Variants in SUCLG2 observed in about 807,000 individuals in gnomAD.
SUCLG2 encodes the protein succinate-CoA ligase GDP-forming subunit beta.
In SUCLG2, 42 loss-of-function variants were observed where a neutral mutation model predicts 47.9. The ratio of observed to expected loss-of-function variants is 0.88; its 90% CI spans 0.69 to 1.14. The LOEUF is 1.14. Ranked by LOEUF, SUCLG2 falls within the 50% of genes most tolerant of loss-of-function variation. The pLI is 0.00. For synonymous variants in SUCLG2, 195 were observed against 197.3 expected (o/e 0.99, Z 0.10); for missense variants, 571 against 525.9 (o/e 1.09, Z -0.84).
intron 2 of SUCLG2, among the ~76,000 whole-genome samples, chr3:67,578,954 A>G (rs1311528422): frequency 2.0e-5 from 3 of 152,174 alleles, no homozygotes; most frequent in Non-Finnish European, 4.4e-5. Context: ...GCTCTCTAAG[A>G]AGATCCAGGA....
intron 1 of SUCLG2, among the ~76,000 whole-genome samples, chr3:67,638,620 C>CCAGAAA (rs1701047371): frequency 1.3e-5 from 2 of 152,166 alleles, no homozygotes; most frequent in African/African-American, 4.8e-5. Flanking sequence ...TCATCAAAGT[C>CCAGAAA]TAATTCCAGA....
rs9867383 is a variant in SUCLG2 at position 67,436,503 on chromosome 3, A to T, written c.1063-35652T>A. 8.2e-3 allele frequency among the ~76,000 whole-genome samples: 1,254 copies of T among 152,300 alleles called. 24 individuals carry two copies. The highest frequency in any genetic ancestry group is 0.029 in the African/African-American group (1,198 of 41,542). On this transcript the variant is annotated intron_variant, in intron 9 of 10. Transcript: ENST00000307227. ...TATAAAAATCCTGTAGCCAAACAAG[A>T]CCAACGATTCAAAAATCTTCACTGG...
At chr3:67,518,510 G>A (rs577479281) in intron 5 of SUCLG2, among the ~76,000 whole-genome samples, 174 bp from the exon 6 acceptor site, 1 of 152,298 alleles carries the variant, frequency 6.6e-6, no homozygotes, top group South Asian at 2.1e-4. Flanking sequence ...TTAATTAGCA[G>A]ACCATCTATA....
At chr3:67,398,186 A>C (rs1467838864) in intron 10 of SUCLG2, among the ~76,000 whole-genome samples, 1 of 150,360 alleles carries the variant, frequency 6.7e-6, no homozygotes, top group African/African-American at 2.4e-5. Flanking sequence ...TAATTAAACT[A>C]AAGAGCTTCT....
chr3:67,466,026 C>A (rs1468840332), intron 9 of SUCLG2, among the ~76,000 whole-genome samples: 1 of 152,184 alleles, frequency 6.6e-6, no homozygotes, highest in East Asian at 1.9e-4. Flanking sequence ...ATGACACACA[C>A]AGCCCTTACG....
At chr3:67,488,897 T>G (rs1322016254) in intron 9 of SUCLG2, among the ~76,000 whole-genome samples, 2 of 152,324 alleles carry the variant, frequency 1.3e-5, no homozygotes, top group East Asian at 3.9e-4. Context: ...TTGCTGGGAC[T>G]AACGACAAAA....
chr3:67,567,857 T>G (rs1225439597), intron 2 of SUCLG2, among the ~76,000 whole-genome samples: 1 of 152,230 alleles, frequency 6.6e-6, no homozygotes, highest in Non-Finnish European at 1.5e-5. Flanking sequence ...GAAAATGTTT[T>G]CTGAAGCTAT....
intron 2 of SUCLG2, among the ~76,000 whole-genome samples, chr3:67,533,978 TC>T (rs1355851211): frequency 3.9e-5 from 6 of 152,150 alleles, no homozygotes; most frequent in African/African-American, 1.4e-4. Flanking sequence ...ATTGGTCACA[TC>T]ATTTGACTGA....
chr3:67,496,935 C>G (rs1385960693), intron 8 of SUCLG2, among the ~76,000 whole-genome samples: 2 of 152,096 alleles, frequency 1.3e-5, no homozygotes, highest in Non-Finnish European at 2.9e-5. Flanking sequence ...ATGGTTTACA[C>G]AGAATCTTAA....
intron 2 of SUCLG2, among the ~76,000 whole-genome samples, chr3:67,531,877 TTCAG>T (rs1219925410): frequency 3.3e-5 from 5 of 152,212 alleles, no homozygotes; most frequent in South Asian, 4.1e-4. Context: ...CGTCTCTTCA[TTCAG>T]TATTTACCAA....
At chr3:67,558,722 T>C (rs1559571526) in intron 2 of SUCLG2, among the ~76,000 whole-genome samples, 1 of 152,210 alleles carries the variant, frequency 6.6e-6, no homozygotes, top group Non-Finnish European at 1.5e-5. Context: ...AAATAAGCAG[T>C]TCCACTAAAA....
At chr3:67,612,470 G>A (rs1033650732) in intron 1 of SUCLG2, among the ~76,000 whole-genome samples, 6 of 152,092 alleles carry the variant, frequency 3.9e-5, no homozygotes, top group Non-Finnish European at 8.8e-5. Flanking sequence ...ATGGATGGTA[G>A]AAAGTACGCT....
chr3:67,567,181 T>C (rs1225576654), intron 2 of SUCLG2, among the ~76,000 whole-genome samples: 3 of 149,952 alleles, frequency 2.0e-5, no homozygotes, highest in African/African-American at 7.4e-5. Flanking sequence ...AGAGCCTGTC[T>C]CAAAAGAAAA....
chr3:67,390,183 C>T (rs752651152), intron 10 of SUCLG2, among the ~76,000 whole-genome samples: 14 of 152,206 alleles, frequency 9.2e-5, no homozygotes, highest in Admixed American at 2.6e-4. Flanking sequence ...TTTGTAACTA[C>T]TACCTATTTC....
At chr3:67,579,231 T>C (rs921041107) in intron 2 of SUCLG2, among the ~76,000 whole-genome samples, 3 of 152,170 alleles carry the variant, frequency 2.0e-5, no homozygotes, top group Admixed American at 1.3e-4. Flanking sequence ...AGGGCTCATA[T>C]TCACAATTTA....
At chr3:67,544,491 C>T (rs1706810538) in intron 2 of SUCLG2, among the ~76,000 whole-genome samples, 1 of 152,152 alleles carries the variant, frequency 6.6e-6, no homozygotes, top group African/African-American at 2.4e-5. Context: ...TTCCCCTTCG[C>T]CTTCCACCAT....
intron 9 of SUCLG2, among the ~76,000 whole-genome samples, chr3:67,433,494 T>C (rs1187484953): frequency 6.6e-6 from 1 of 152,112 alleles, no homozygotes; most frequent in Non-Finnish European, 1.5e-5. Context: ...GGGAGAATCC[T>C]TTCTAGAAGA....
intron 9 of SUCLG2, among the ~76,000 whole-genome samples, chr3:67,416,942 T>C (rs1444333862): frequency 1.3e-5 from 2 of 152,136 alleles, no homozygotes; most frequent in African/African-American, 4.8e-5. Flanking sequence ...GAGAAGGAAT[T>C]TATAACCAAT....
intron 1 of SUCLG2, among the ~76,000 whole-genome samples, chr3:67,646,135 G>A (rs936476697): frequency 4.0e-5 from 6 of 150,650 alleles, no homozygotes; most frequent in Non-Finnish European, 8.9e-5. Context: ...GGAGAATATG[G>A]TGCCCTAAAT....
Sources: gnomAD v4.1 joint callset for allele counts (sites outside exome capture counted in the v4.1 genomes callset) on GRCh38, gnomAD v4.1.1 for gene constraint, MANE v1.5 for transcripts, NCBI Gene and HGNC (gene_info 2026-07-23, HGNC 2026-07-21) for gene names.